GDPD1: variants seen among roughly 807,000 people sequenced by gnomAD.
GDPD1 encodes the protein glycerophosphodiester phosphodiesterase domain containing 1, also known as lysophospholipase D GDPD1.
Under a neutral mutation model 45.1 loss-of-function variants are expected in GDPD1, and 28 were observed. The observed-to-expected ratio is 0.62, with a 90% CI of 0.46 to 0.85. The LOEUF is 0.85. Among genes scored for constraint, GDPD1 ranks in the 40% least tolerant of loss-of-function variants. The probability of loss-of-function intolerance (pLI) is 0.00; values close to 1 mark genes in which losing one functional copy is unlikely to be tolerated. For missense variants in GDPD1, 256 were observed against 364.8 expected, an observed-to-expected ratio of 0.70 and a Z score of 2.43; for synonymous variants, 139 against 131.4, an observed-to-expected ratio of 1.06 and a Z score of -0.40.
chr17:59,242,219 C>T (rs986421113), intron 2 of GDPD1, among the ~76,000 whole-genome samples: 8 of 152,108 alleles, frequency 5.3e-5, no homozygotes, highest in African/African-American at 1.9e-4. Context: ...TGTGCCACCA[C>T]ATTCAGCTAA....
intron 6 of GDPD1, chr17:59,260,732 C>G (rs1332919718): frequency 3.9e-5 from 6 of 152,098 alleles, no homozygotes; most frequent in African/African-American, 1.4e-4. Context: ...TTTTCAAATA[C>G]AAAGAACTCT....
chr17:59,234,191 C>CAA (rs967183293), intron 1 of GDPD1, among the ~76,000 whole-genome samples: 1 of 147,904 alleles, frequency 6.8e-6, no homozygotes, highest in African/African-American at 2.5e-5. Flanking sequence ...ACTAAAAATA[C>CAA]AAAAAAAAAA....
At chr17:59,237,390 G>C (rs1413979458) in intron 2 of GDPD1, among the ~76,000 whole-genome samples, 1 of 152,094 alleles carries the variant, frequency 6.6e-6, no homozygotes, top group East Asian at 1.9e-4. Context: ...GACAGAGCCA[G>C]ACCTTGTCTC....
chr17:59,245,396 C>A lies in GDPD1; in HGVS notation c.186-18C>A, dbSNP rs756038523. 6.3e-7 allele frequency: 1 copy of A among 1,599,274 alleles called. No homozygotes were observed. The highest frequency in any genetic ancestry group is 2.2e-5 in the East Asian group (1 of 44,658). ...GTATACTTAAGTGTCAGATGTCATTCTTCTTTTATTTCTTCAGTGCGGTTA... is the reference window on the plus strand; with the variant it reads ...GTATACTTAAGTGTCAGATGTCATTATTCTTTTATTTCTTCAGTGCGGTTA... On this transcript the variant is annotated intron_variant, in intron 2 of 9. Transcript: ENST00000284116.
chr17:59,234,668 AAAAT>A (rs1375239719), intron 2 of GDPD1, 134 bp downstream of exon 2: 11 of 645,970 alleles, frequency 1.7e-5, no homozygotes, highest in Non-Finnish European at 2.7e-5. Context: ...CTATTTTGTT[AAAAT>A]TTCTTTTTTT....
chr17:59,239,636 T>G (rs1260565911), intron 2 of GDPD1, among the ~76,000 whole-genome samples: 2 of 152,130 alleles, frequency 1.3e-5, no homozygotes, highest in Non-Finnish European at 2.9e-5. Flanking sequence ...TCTATTAGTT[T>G]GTCAATAACA....
chr17:59,239,335 C>T (rs2047157975), intron 2 of GDPD1, among the ~76,000 whole-genome samples: 1 of 151,994 alleles, frequency 6.6e-6, no homozygotes, highest in African/African-American at 2.4e-5. Context: ...TCTTTTAGAG[C>T]TAGAGTTTTT....
chr17:59,243,557 G>T (rs2047190208), intron 2 of GDPD1, among the ~76,000 whole-genome samples: 1 of 151,972 alleles, frequency 6.6e-6, no homozygotes. Flanking sequence ...TCTCCCTCTG[G>T]GTTGCAGTTT....
chr17:59,269,161 G>A, intron 7 of GDPD1, among the ~76,000 whole-genome samples: 1 of 152,092 alleles, frequency 6.6e-6, no homozygotes, highest in Non-Finnish European at 1.5e-5. Flanking sequence ...GCCGGGCACA[G>A]TGGCAGACAC....
chr17:59,260,024 G>C (rs949740464), intron 6 of GDPD1, among the ~76,000 whole-genome samples: 6 of 111,378 alleles, frequency 5.4e-5, no homozygotes, highest in Non-Finnish European at 1.7e-5. Flanking sequence ...TCCTGCCACT[G>C]CACTCCAGCC....
At chr17:59,263,478 C>T in intron 6 of GDPD1, among the ~76,000 whole-genome samples, 3 of 18,062 alleles carry the variant, frequency 1.7e-4, no homozygotes, top group African/African-American at 2.4e-4. Context: ...TCTTTTTTTC[C>T]TTTCCTTTTT....
rs976404555 is a variant in GDPD1, at chr17:59,262,062, C to T, written c.576+4222C>T. Among the ~76,000 whole-genome samples, 8 of 149,900 alleles carry T rather than the reference C, an allele frequency of 5.3e-5. No individual in the cohort carries two copies. In the East Asian group the frequency reaches 1.4e-3, roughly 26 times the overall value. On this transcript the variant is annotated intron_variant, in intron 6 of 9. Coordinates refer to ENST00000284116, the MANE Select transcript of GDPD1 (RefSeq NM_182569.4). ...CCTCCCAAGTAGCTGGGACTACAGG[C>T]GCCCGCCACTACGCCCGGCTAATTT... is the stretch of plus-strand genomic sequence containing the variant.
chr17:59,253,576 G>C (rs1044350717), intron 4 of GDPD1, among the ~76,000 whole-genome samples: 1 of 151,964 alleles, frequency 6.6e-6, no homozygotes, highest in Admixed American at 6.6e-5. Flanking sequence ...TCATTCTCTC[G>C]CTGTTAGATA....
rs538199770 is a variant in GDPD1 at position 59,252,427 on chromosome 17, C to T, written c.367+3642C>T. ...CTAATTTTTGTATTTTTAGTAGAGA[C>T]GAGGTTTCACCTTGTTGGCCAGGCT... On this transcript the variant is annotated intron_variant, in intron 4 of 9. Coordinates refer to ENST00000284116, the MANE Select transcript of GDPD1 (RefSeq NM_182569.4). Among the ~76,000 whole-genome samples, 7 of 151,540 alleles carry T rather than the reference C, an allele frequency of 4.6e-5. No individual in the cohort carries two copies. In the South Asian group the frequency reaches 6.3e-4, roughly 14 times the overall value.
intron 6 of GDPD1, among the ~76,000 whole-genome samples, chr17:59,263,854 A>G (rs926887732): frequency 6.6e-6 from 1 of 151,088 alleles, no homozygotes; most frequent in African/African-American, 2.4e-5. Flanking sequence ...TAAACCCAAA[A>G]TATAAACATT....
Position 59,248,725 on chromosome 17 carries a change from C to A in GDPD1, c.322-15C>A, listed in dbSNP as rs1046827489. The A allele has an allele frequency of 1.3e-6, 2 of 1,567,524 alleles. No individual in the cohort carries two copies. The highest frequency in any genetic ancestry group is 2.4e-5 in the South Asian group (2 of 84,296). ...TTTGAGAGTTAACTTTTTTTTCAAT[C>A]ATATCTTTTTAAAGGAGCTCCCACC... On this transcript the variant is annotated splice_polypyrimidine_tract_variant and intron_variant, in intron 3 of 9. Transcript: ENST00000284116.
intron 2 of GDPD1, among the ~76,000 whole-genome samples, chr17:59,237,988 G>T (rs927306145): frequency 1.4e-5 from 2 of 138,242 alleles, no homozygotes; most frequent in East Asian, 2.1e-4. Flanking sequence ...AAAAAAAAAG[G>T]CCGGGCATGG....
intron 1 of GDPD1, among the ~76,000 whole-genome samples, chr17:59,224,937 TC>T (rs2047035959): frequency 6.6e-6 from 1 of 152,192 alleles, no homozygotes; most frequent in Non-Finnish European, 1.5e-5. Flanking sequence ...GATATGAGAA[TC>T]TTGCTGCTTT....
intron 4 of GDPD1, among the ~76,000 whole-genome samples, chr17:59,253,890 G>C (rs979973996): frequency 1.3e-5 from 2 of 151,992 alleles, no homozygotes; most frequent in Non-Finnish European, 2.9e-5. Flanking sequence ...TCACAACAAT[G>C]TGAGATGTGA....
Sources: allele counts gnomAD v4.1 joint callset (sites outside exome capture counted in the v4.1 genomes callset), GRCh38; gene constraint gnomAD v4.1.1; transcripts MANE v1.5; gene names NCBI Gene and HGNC (gene_info 2026-07-23, HGNC 2026-07-21).